Variants in EDNRA observed in about 807,000 individuals in gnomAD.
The protein encoded by EDNRA is endothelin receptor type A, also known as endothelin-1 receptor.
EDNRA carries 11 observed loss-of-function variants against 41.4 expected under a neutral mutation model. That is an observed-to-expected ratio of 0.27 (90% CI 0.17 to 0.44). EDNRA has a LOEUF of 0.44. EDNRA is among the 20% of genes least tolerant of loss of function. The pLI is 1.00. For synonymous variants in EDNRA, 172 were observed against 183.0 expected (o/e 0.94, Z 0.49); for missense variants, 294 against 531.0 (o/e 0.55, Z 4.39).
intron 2 of EDNRA, chr4:147,490,436 G>A (rs1223306534): frequency 6.6e-6 from 1 of 152,176 alleles, no homozygotes; most frequent in Non-Finnish European, 1.5e-5. Context: ...AGGGAAAGGA[G>A]TTAGCAGATT....
chr4:147,496,680 A>T (rs1406719667), intron 2 of EDNRA, among the ~76,000 whole-genome samples: 2 of 152,294 alleles, frequency 1.3e-5, no homozygotes, highest in South Asian at 4.1e-4. Context: ...GAATCCTATG[A>T]TGCCTGTAGG....
At chr4:147,522,562 G>C (rs1272381023) in intron 3 of EDNRA, among the ~76,000 whole-genome samples, 2 of 151,740 alleles carry the variant, frequency 1.3e-5, no homozygotes, top group Non-Finnish European at 2.9e-5. Context: ...AAAAAAATTA[G>C]TTTATGTAAC....
intron 2 of EDNRA, chr4:147,493,371 T>C (rs1051245185): frequency 6.8e-6 from 1 of 148,114 alleles, no homozygotes; most frequent in Admixed American, 6.6e-5. Flanking sequence ...TAGGGTAGTC[T>C]TATGAGTTGC....
chr4:147,526,342 C>T lies in EDNRA; in HGVS notation c.549-6164C>T, dbSNP rs1730547838. ...AATTCTTCTGCTCCTTGTCACGTCA[C>T]CTGGGGTTGGTGGACTTCAGCTGAC... is the stretch of plus-strand genomic sequence containing the variant. On this transcript the variant is annotated intron_variant, in intron 3 of 7. Coordinates refer to ENST00000651419, the MANE Select transcript of EDNRA (RefSeq NM_001957.4). Among the ~76,000 whole-genome samples the T allele has an allele frequency of 3.3e-5, 5 of 152,258 alleles. No homozygotes were observed. The South Asian group carries it at 1.0e-3, about 32-fold the overall frequency.
chr4:147,523,774 G>T (rs1342315140), intron 3 of EDNRA, among the ~76,000 whole-genome samples: 1 of 152,146 alleles, frequency 6.6e-6, no homozygotes, highest in Non-Finnish European at 1.5e-5. Flanking sequence ...ACAGGCATGA[G>T]CCACCGCGCC....
intron 2 of EDNRA, among the ~76,000 whole-genome samples, chr4:147,510,115 G>T (rs1439717772): frequency 6.6e-6 from 1 of 152,086 alleles, no homozygotes; most frequent in Non-Finnish European, 1.5e-5. Context: ...TACTTAAATG[G>T]CTGGTTTTCT....
At position 147,487,255 on chromosome 4, in the gene EDNRA, G is replaced by A. The variant is rs1728980507; in HGVS notation, c.420+1154G>A. Reference sequence around the variant, plus strand: ...ACATTTCAACATGAGATTTGGAGGGGACAAACATCCAAACTATATCAGAGA... The same window carrying A: ...ACATTTCAACATGAGATTTGGAGGGAACAAACATCCAAACTATATCAGAGA... On this transcript the variant is annotated intron_variant, in intron 2 of 7. Coordinates refer to ENST00000651419, the MANE Select transcript of EDNRA (RefSeq NM_001957.4). Among the ~76,000 whole-genome samples, 3 of 152,162 alleles carry A rather than the reference G, an allele frequency of 2.0e-5. No homozygotes were observed. The South Asian group carries it at 6.2e-4, about 32-fold the overall frequency.
chr4:147,537,716 C>G (rs560230598), intron 5 of EDNRA, among the ~76,000 whole-genome samples: 1 of 152,232 alleles, frequency 6.6e-6, no homozygotes, highest in East Asian at 1.9e-4. Context: ...TCCAAGCACC[C>G]TCTGAGATCA....
chr4:147,483,043 C>T (rs894898142), intron 1 of EDNRA, among the ~76,000 whole-genome samples: 1 of 152,228 alleles, frequency 6.6e-6, no homozygotes, highest in Non-Finnish European at 1.5e-5. Flanking sequence ...AGTATTTCTT[C>T]TCCCCCCTGT....
At chr4:147,541,853 TACTC>T (rs374526558) in intron 7 of EDNRA, among the ~76,000 whole-genome samples, 2 of 152,194 alleles carry the variant, frequency 1.3e-5, no homozygotes, top group African/African-American at 4.8e-5. Flanking sequence ...AATTATTACT[TACTC>T]ATTAATTTAC....
chr4:147,504,834 T>G (rs1204426738), intron 2 of EDNRA, among the ~76,000 whole-genome samples: 1 of 151,442 alleles, frequency 6.6e-6, no homozygotes, highest in Non-Finnish European at 1.5e-5. Flanking sequence ...GGCATGCACC[T>G]GTGGTCCCAG....
intron 2 of EDNRA, among the ~76,000 whole-genome samples, chr4:147,510,499 T>C (rs1729881605): frequency 6.6e-6 from 1 of 152,188 alleles, no homozygotes; most frequent in Non-Finnish European, 1.5e-5. Context: ...TTTTTACAAC[T>C]TTTTCAAGTA....
At chr4:147,540,573 T>C in intron 7 of EDNRA, 88 bp downstream of exon 7, 1 of 866,082 alleles carries the variant, frequency 1.2e-6, no homozygotes, top group Non-Finnish European at 1.8e-6. Flanking sequence ...GTTGTAATAT[T>C]ACTTTGATCA....
chr4:147,526,644 A>G (rs78047355), intron 3 of EDNRA, among the ~76,000 whole-genome samples: 4,750 of 152,242 alleles, frequency 0.031, 110 homozygotes, highest in African/African-American at 0.064. Flanking sequence ...CTTTTAATTC[A>G]CCACACCTGA....
At chr4:147,516,993 T>TAAA (rs33958974) in intron 2 of EDNRA, among the ~76,000 whole-genome samples, 1 of 146,494 alleles carries the variant, frequency 6.8e-6, no homozygotes, top group Non-Finnish European at 1.5e-5. Context: ...TTTCTTTTTG[T>TAAA]AAAAAAAAAA....
At chr4:147,535,141 C>T (rs1034395778) in intron 4 of EDNRA, among the ~76,000 whole-genome samples, 1 of 152,138 alleles carries the variant, frequency 6.6e-6, no homozygotes, top group Non-Finnish European at 1.5e-5. Flanking sequence ...TATCATTTTT[C>T]ATTTTCCATT....
chr4:147,494,223 AAT>A (rs1358003340), intron 2 of EDNRA: 2 of 152,232 alleles, frequency 1.3e-5, no homozygotes, highest in Non-Finnish European at 2.9e-5. Context: ...ACATTGGGTA[AAT>A]AGCAGCAAAC....
At chr4:147,532,356 T>A in intron 3 of EDNRA, 150 bp from the exon 4 acceptor site, 1 of 522,860 alleles carries the variant, frequency 1.9e-6, no homozygotes, top group Non-Finnish European at 3.3e-6. Flanking sequence ...AAAAACCCAC[T>A]TGGTTTTCAT....
rs887243876 is a variant in EDNRA, at chr4:147,486,164, T to C, written c.420+63T>C. The C allele has an allele frequency of 2.6e-6, 4 of 1,523,018 alleles. No individual in the cohort carries two copies. The highest frequency in any genetic ancestry group is 4.1e-5 in the Admixed American group (2 of 49,214). 94.3% of individuals were successfully genotyped at this position (1,523,018 alleles called of 1,614,324 possible). A position where few individuals can be genotyped will look rare whatever the true frequency, so the allele number is the denominator to read the frequency against. On this transcript the variant is annotated intron_variant, in intron 2 of 7. Transcript: ENST00000651419. The surrounding 1 kb of genome is among the most constrained non-coding windows in gnomAD (Gnocchi z 4.3). ...CCATGCTCTGATTCCACGTGGAGAG[T>C]TGCTGCAGACTTTTCTGACCTTTGG...
Sources: gnomAD v4.1 joint callset for allele counts (sites outside exome capture counted in the v4.1 genomes callset) on GRCh38, gnomAD v4.1.1 for gene constraint, Gnocchi (gnomAD v3.1) non-coding constraint, MANE v1.5 for transcripts, NCBI Gene and HGNC (gene_info 2026-07-23, HGNC 2026-07-21) for gene names.